Variants in MAP2K3 observed in about 807,000 individuals in gnomAD.
MAP2K3 encodes the protein mitogen-activated protein kinase kinase 3, also known as dual specificity mitogen-activated protein kinase kinase 3.
A neutral mutation model predicts 46.4 loss-of-function variants in MAP2K3; 30 were observed. That is an observed-to-expected ratio of 0.65 (90% CI 0.48 to 0.88). The LOEUF (loss-of-function observed/expected upper bound fraction) is 0.88. MAP2K3 is among the 40% of genes least tolerant of loss of function. MAP2K3 has a pLI of 0.00. For synonymous variants in MAP2K3, 189 were observed against 176.3 expected, an observed-to-expected ratio of 1.07 and a Z score of -0.57; for missense variants, 380 against 464.5, an observed-to-expected ratio of 0.82 and a Z score of 1.67.
At chr17:21,291,293 C>CAATACAATAGAATAG (rs1975913809) in intron 1 of MAP2K3, 1 of 21,804 alleles carries the variant, frequency 4.6e-5, no homozygotes, top group South Asian at 2.6e-4. Context: ...CAATAGAATA[C>CAATACAATAGAATAG]AATACAATAG....
chr17:21,303,581 C>A (rs144507918), intron 7 of MAP2K3, among the ~76,000 whole-genome samples: 6 of 152,420 alleles, frequency 3.9e-5, no homozygotes, highest in Middle Eastern at 3.4e-3. Flanking sequence ...TCTCTCACCC[C>A]CTCCCAGAAT....
chr17:21,313,758 T>C (rs1026555662), intron 11 of MAP2K3: 2 of 596,182 alleles, frequency 3.4e-6, no homozygotes, highest in Non-Finnish European at 6.0e-6. Context: ...ACAGGCAGTG[T>C]GTGACAGAAT....
At chr17:21,296,457 G>A (rs959048074) in intron 1 of MAP2K3, among the ~76,000 whole-genome samples, 8 of 152,428 alleles carry the variant, frequency 5.2e-5, no homozygotes, top group East Asian at 3.8e-4. Context: ...CTCTGTTGCC[G>A]TTTCTTGTTG....
intron 1 of MAP2K3, chr17:21,295,799 G>T: frequency 1.7e-6 from 2 of 1,200,940 alleles, no homozygotes; most frequent in Non-Finnish European, 2.1e-6. Flanking sequence ...GTGAAGGGGG[G>T]GCCACATGAT....
At chr17:21,305,569 G>A (rs1200060490) in intron 9 of MAP2K3, among the ~76,000 whole-genome samples, 2 of 152,390 alleles carry the variant, frequency 1.3e-5, no homozygotes, top group African/African-American at 4.8e-5. Context: ...TCCTGGGCCT[G>A]TGGAAGCCAA....
chr17:21,313,468 C>T, intron 10 of MAP2K3, 24 bp from the exon 11 acceptor site: 2 of 1,609,482 alleles, frequency 1.2e-6, no homozygotes, highest in African/African-American at 1.3e-5. Context: ...CCAGCCTGGC[C>T]ACAGCTGCAC....
At chr17:21,304,743 C>A (rs1453423565) in intron 8 of MAP2K3, among the ~76,000 whole-genome samples, 190 bp downstream of exon 8, 4 of 152,428 alleles carry the variant, frequency 2.6e-5, no homozygotes, top group Non-Finnish European at 5.9e-5. Flanking sequence ...TGTTAACTGA[C>A]CCCCACAGTG....
At chr17:21,304,755 C>T (rs1386124664) in intron 8 of MAP2K3, among the ~76,000 whole-genome samples, 1 of 152,310 alleles carries the variant, frequency 6.6e-6, no homozygotes, top group African/African-American at 2.4e-5. Context: ...CCCACAGTGC[C>T]CCAGTTGGGT....
intron 1 of MAP2K3, among the ~76,000 whole-genome samples, chr17:21,297,399 G>A (rs1976318290): frequency 6.6e-6 from 1 of 152,312 alleles, no homozygotes; most frequent in African/African-American, 2.4e-5. Flanking sequence ...TCATGCTTGG[G>A]AAATGATGAG....
chr17:21,299,001 A>ACT, intron 3 of MAP2K3, 75 bp downstream of exon 3: 2 of 1,600,692 alleles, frequency 1.2e-6, no homozygotes, highest in Non-Finnish European at 8.6e-7. Flanking sequence ...CTGCAGGGCC[A>ACT]CTTTGGGGGG....
At chr17:21,301,554 C>T (rs574886029) in intron 5 of MAP2K3, among the ~76,000 whole-genome samples, 113 of 152,396 alleles carry the variant, frequency 7.4e-4, no homozygotes, top group Non-Finnish European at 4.7e-4. Flanking sequence ...GTCAGGGCAT[C>T]TGAGTCCAGC....
chr17:21,298,626 G>A (rs746587848), intron 2 of MAP2K3, 147 bp downstream of exon 2: 17 of 1,328,556 alleles, frequency 1.3e-5, no homozygotes, highest in South Asian at 6.0e-5. Context: ...GCCAGGTGAC[G>A]GCTGCTGGGG....
chr17:21,307,374 GA>G (rs1196329896), intron 9 of MAP2K3, among the ~76,000 whole-genome samples: 1 of 152,288 alleles, frequency 6.6e-6, no homozygotes, highest in African/African-American at 2.4e-5. Flanking sequence ...GAGAAGACTG[GA>G]GCAGGTAGGG....
rs370914287 is a variant in MAP2K3 at position 21,298,453 on chromosome 17, G to A, written c.90G>A (p.Met30Ile). The A allele has an allele frequency of 6.2e-7, 1 of 1,614,200 alleles. No homozygotes were observed. Among genetic ancestry groups the A allele is most frequent in the East Asian group, 2.2e-5 (1 of 44,908 alleles). Residue 30 changes from methionine to isoleucine, a missense_variant, in exon 2 of 12, where the codon ATG becomes ATA. By Grantham distance (10) the Met-to-Ile change is conservative (BLOSUM62 1). This residue lies in a region of MAP2K3 where 294 missense variants were observed against 275.4 expected (regional missense o/e 1.07). Transcript: ENST00000342679. ...KRKKDLRISC[M>I]SKPPAPNPTP... ...AGAAGGATCTACGGATATCCTGCAT[G>A]TCCAAGCCACCCGCACCCAACCCCA...
Position 21,313,546 on chromosome 17 carries a change from G to A in MAP2K3, c.960+9G>A. On this transcript the variant is annotated intron_variant, in intron 11 of 11. Coordinates refer to ENST00000342679, the MANE Select transcript of MAP2K3 (RefSeq NM_145109.3). Reference sequence around the variant, plus strand: ...GCTACCTGGAGCTGATGGTGAGTATGGGCGGGAGGTGCCTGCCCTGCTCTT... The same window carrying A: ...GCTACCTGGAGCTGATGGTGAGTATAGGCGGGAGGTGCCTGCCCTGCTCTT... 3 of 1,611,044 alleles carry A rather than the reference G, an allele frequency of 1.9e-6. No individual in the cohort carries two copies. The highest frequency in any genetic ancestry group is 2.5e-6 in the Non-Finnish European group (3 of 1,179,100).
chr17:21,293,500 T>C (rs1976063144), intron 1 of MAP2K3, among the ~76,000 whole-genome samples: 1 of 151,312 alleles, frequency 6.6e-6, no homozygotes, highest in Admixed American at 6.6e-5. Flanking sequence ...CCCCACCGGA[T>C]GTTAGGGGTG....
intron 3 of MAP2K3, among the ~76,000 whole-genome samples, chr17:21,299,136 T>G (rs1019993907): frequency 1.3e-5 from 2 of 152,304 alleles, no homozygotes; most frequent in Non-Finnish European, 2.9e-5. Flanking sequence ...ATCGGCTGCC[T>G]GACTGGAGCT....
At position 21,298,451 on chromosome 17, in the gene MAP2K3, A is replaced by G; in HGVS notation, c.88A>G (p.Met30Val). ...KRKKDLRISC[M>V]SKPPAPNPTP... The stretch of plus-strand genomic sequence containing the variant: ...GAAGAAGGATCTACGGATATCCTGC[A>G]TGTCCAAGCCACCCGCACCCAACCC... Residue 30 changes from methionine (M) to valine (V), a missense_variant, in exon 2 of 12, where the codon ATG (methionine) becomes GTG (valine). Coordinates refer to ENST00000342679, the MANE Select transcript of MAP2K3 (RefSeq NM_145109.3). 1 of 1,614,314 alleles carries G rather than the reference A, an allele frequency of 6.2e-7. No homozygotes were observed. Among genetic ancestry groups the G allele is most frequent in the East Asian group, 2.2e-5 (1 of 44,896 alleles).
intron 1 of MAP2K3, among the ~76,000 whole-genome samples, chr17:21,290,826 C>CT (rs1470720224): frequency 3.3e-5 from 5 of 152,304 alleles, no homozygotes; most frequent in Non-Finnish European, 5.9e-5. Context: ...TGGCACACGT[C>CT]TGTAGTCTCA....
Sources: allele counts gnomAD v4.1 joint callset (sites outside exome capture counted in the v4.1 genomes callset), GRCh38; gene constraint gnomAD v4.1.1; regional missense constraint gnomAD v4.1.1; transcripts MANE v1.5; gene names NCBI Gene and HGNC (gene_info 2026-07-23, HGNC 2026-07-21).